PTPRE: variants seen among roughly 807,000 people sequenced by gnomAD.
PTPRE encodes protein tyrosine phosphatase receptor type E, also known as receptor-type tyrosine-protein phosphatase epsilon.
In PTPRE, 51 loss-of-function variants were observed where a neutral mutation model predicts 102.0. That is an observed-to-expected ratio of 0.50 (90% confidence interval 0.40 to 0.63). The LOEUF (loss-of-function observed/expected upper bound fraction) is 0.63, where lower values mean the gene tolerates loss of function less well. Ranked by LOEUF, PTPRE falls within the 30% of genes least tolerant of loss-of-function variation. PTPRE has a pLI of 0.00. For missense variants in PTPRE, 752 were observed against 915.1 expected (o/e 0.82, Z 2.30); for synonymous variants, 345 against 348.2 (o/e 0.99, Z 0.10).
intron 1 of PTPRE, among the ~76,000 whole-genome samples, chr10:127,949,917 C>T (rs1057236958): frequency 2.6e-5 from 4 of 152,210 alleles, no homozygotes; most frequent in African/African-American, 9.6e-5. Flanking sequence ...AGTGACCTCC[C>T]CTATCCCAGA....
intron 1 of PTPRE, among the ~76,000 whole-genome samples, chr10:127,953,435 G>A (rs1207852276): frequency 6.6e-6 from 1 of 152,170 alleles, no homozygotes; most frequent in Non-Finnish European, 1.5e-5. Context: ...TTGATTATGG[G>A]CCACCAAGTT....
In PTPRE at chr10:128,023,461, G is replaced by A. The variant is rs1488990647; in HGVS notation, c.-7-17414G>A. On this transcript the variant is annotated intron_variant, in intron 2 of 20. Transcript: ENST00000254667. Reference sequence around the variant, plus strand: ...AGGTGAGTAGAGTACAAGATACTTTGAGAGAGAAGAGAGAGAGCACGTTTA... The same window carrying A: ...AGGTGAGTAGAGTACAAGATACTTTAAGAGAGAAGAGAGAGAGCACGTTTA... 5.9e-5 allele frequency among the ~76,000 whole-genome samples: 9 copies of A among 152,282 alleles called. No homozygotes were observed. In the East Asian group the frequency reaches 1.3e-3, roughly 23 times the overall value.
chr10:127,930,627 A>G (rs1485762612), intron 1 of PTPRE, among the ~76,000 whole-genome samples: 4 of 152,214 alleles, frequency 2.6e-5, no homozygotes, highest in Non-Finnish European at 5.9e-5. Flanking sequence ...CACATGGATA[A>G]GTAGATAGGA....
At chr10:127,911,844 T>C (rs1015647677) in intron 1 of PTPRE, among the ~76,000 whole-genome samples, 5 of 152,140 alleles carry the variant, frequency 3.3e-5, no homozygotes, top group Non-Finnish European at 7.3e-5. Flanking sequence ...AGAGTTTATT[T>C]TGGAGGATTA....
At chr10:128,007,556 C>G (rs372181990) in intron 2 of PTPRE, among the ~76,000 whole-genome samples, 5 of 152,322 alleles carry the variant, frequency 3.3e-5, no homozygotes, top group Admixed American at 6.5e-5. Context: ...CATACTTGTC[C>G]CGATAAAATC....
chr10:128,016,430 T>C (rs892638063), intron 2 of PTPRE, among the ~76,000 whole-genome samples: 2 of 151,598 alleles, frequency 1.3e-5, no homozygotes, highest in Admixed American at 6.6e-5. Context: ...AACCTAAAAC[T>C]ACTCTAAAAG....
At chr10:128,017,200 G>C (rs1425487633) in intron 2 of PTPRE, among the ~76,000 whole-genome samples, 1 of 152,190 alleles carries the variant, frequency 6.6e-6, no homozygotes, top group African/African-American at 2.4e-5. Flanking sequence ...TGGCTGAGAG[G>C]TGCTGGTCCC....
intron 1 of PTPRE, among the ~76,000 whole-genome samples, chr10:127,970,413 C>A (rs575532944): frequency 6.6e-6 from 1 of 152,208 alleles, no homozygotes; most frequent in African/African-American, 2.4e-5. Flanking sequence ...TGTCCTCCCA[C>A]CCTCTACCCA....
intron 2 of PTPRE, among the ~76,000 whole-genome samples, chr10:127,994,096 T>A (rs1246181062): frequency 6.6e-6 from 1 of 152,190 alleles, no homozygotes; most frequent in Non-Finnish European, 1.5e-5. Flanking sequence ...AGGTAGCAGT[T>A]ACAGAGCATT....
intron 19 of PTPRE, among the ~76,000 whole-genome samples, chr10:128,078,328 G>C (rs1851408324): frequency 6.6e-6 from 1 of 152,226 alleles, no homozygotes; most frequent in African/African-American, 2.4e-5. Flanking sequence ...TAGTCCGCAG[G>C]TGAAGGCGTG....
At chr10:127,941,459 C>T (rs900235875) in intron 1 of PTPRE, among the ~76,000 whole-genome samples, 5 of 152,228 alleles carry the variant, frequency 3.3e-5, no homozygotes, top group African/African-American at 9.6e-5. Context: ...ACACCTATCC[C>T]GGCCACAGGG....
intron 2 of PTPRE, among the ~76,000 whole-genome samples, chr10:127,989,679 G>GA (rs1160831697): frequency 1.3e-5 from 2 of 152,248 alleles, no homozygotes; most frequent in Non-Finnish European, 2.9e-5. Flanking sequence ...TTTCCGTTAT[G>GA]AAAAATATTA....
At chr10:128,072,285 C>T (rs1377019387) in intron 16 of PTPRE, 71 bp downstream of exon 16, 1 of 1,272,118 alleles carries the variant, frequency 7.9e-7, no homozygotes, top group Non-Finnish European at 1.1e-6. Context: ...ACTTGATTAG[C>T]TTGTTTTCAC....
At position 127,907,130 on chromosome 10, in the gene PTPRE, A is replaced by G. The variant is rs11018397; in HGVS notation, c.-210A>G. ...ACAAATTTCCTGCTAGGCTGCGGAC[A>G]GCGGGCGGCAGGAGCCGGCGCGAGC... On this transcript the variant is annotated 5_prime_UTR_variant, in exon 1 of 21. Coordinates refer to ENST00000254667, the MANE Select transcript of PTPRE (RefSeq NM_006504.6). This position sits in a 1 kb window ranked among gnomAD's most constrained non-coding sequence, Gnocchi z 4.8. The G allele has an allele frequency of 0.58, 200,909 of 343,660 alleles. 59,823 individuals are homozygous for G. Among genetic ancestry groups the G allele is most frequent in the African/African-American group, 0.73 (33,022 of 44,990 alleles). The allele number at this position is 343,660 out of a possible 1,614,324, so 21.3% of individuals were successfully genotyped here.
chr10:127,955,455 G>C (rs1286400324), intron 1 of PTPRE, among the ~76,000 whole-genome samples: 1 of 152,172 alleles, frequency 6.6e-6, no homozygotes, highest in Admixed American at 6.5e-5. Flanking sequence ...GAAACAGACT[G>C]TTATGAGTAT....
At chr10:128,041,887 A>AT in intron 3 of PTPRE, among the ~76,000 whole-genome samples, 1 of 152,160 alleles carries the variant, frequency 6.6e-6, no homozygotes, top group African/African-American at 2.4e-5. Context: ...CCCTGGACAA[A>AT]TGTCCTGCAA....
chr10:128,059,952 AC>A (rs926844605), intron 7 of PTPRE, among the ~76,000 whole-genome samples: 16 of 149,448 alleles, frequency 1.1e-4, no homozygotes, highest in Admixed American at 5.3e-4. Flanking sequence ...ACACACACAC[AC>A]AACACACACA....
At chr10:127,958,716 G>A (rs546785774) in intron 1 of PTPRE, among the ~76,000 whole-genome samples, 63 of 152,222 alleles carry the variant, frequency 4.1e-4, no homozygotes, top group African/African-American at 1.4e-3. Context: ...ATCATACAAT[G>A]AGTGTTCCCT....
chr10:128,048,069 C>CT lies in PTPRE; in HGVS notation c.283+239dup, dbSNP rs564011039. On this transcript the variant is annotated intron_variant, in intron 5 of 20. Transcript: ENST00000254667. ...ACGTTTGAGACATTTTTGTTTGTGG[C>CT]TTTTTTTAGAGAGACTGTTCATATC... Among the ~76,000 whole-genome samples the CT allele has an allele frequency of 5.3e-4, 80 of 152,178 alleles. No homozygotes were observed. In the East Asian group the frequency reaches 0.01, roughly 19 times the overall value.
Sources: allele counts gnomAD v4.1 joint callset (sites outside exome capture counted in the v4.1 genomes callset), GRCh38; gene constraint gnomAD v4.1.1; non-coding constraint Gnocchi (gnomAD v3.1); transcripts MANE v1.5; gene names NCBI Gene and HGNC (gene_info 2026-07-23, HGNC 2026-07-21).